TRPM5: variants seen among roughly 807,000 people sequenced by gnomAD.
TRPM5 encodes MLSN1 and TRP-related.
In TRPM5, 121 loss-of-function variants were observed where a neutral mutation model predicts 124.9. The ratio of observed to expected loss-of-function variants is 0.97; its 90% CI spans 0.84 to 1.13. The LOEUF (loss-of-function observed/expected upper bound fraction) is 1.13. Ranked by LOEUF, TRPM5 falls within the 50% of genes most tolerant of loss-of-function variation. The probability of loss-of-function intolerance (pLI) is 0.00; values close to 1 mark genes in which losing one functional copy is unlikely to be tolerated. For missense variants in TRPM5, 1,643 were observed against 1,589.1 expected (o/e 1.03, Z -0.58); for synonymous variants, 781 against 700.5 (o/e 1.11, Z -1.81).
chr11:2,431,524 A>G, the TRPM5 span, among the ~76,000 whole-genome samples: 104 of 152,160 alleles, frequency 6.8e-4, no homozygotes, highest in African/African-American at 2.3e-3. Flanking sequence ...TGGACACCCA[A>G]AAGACTACAG....
the TRPM5 span, among the ~76,000 whole-genome samples, chr11:2,438,125 A>AGGCTTTT: frequency 6.6e-6 from 1 of 152,200 alleles, no homozygotes; most frequent in South Asian, 2.1e-4. The surrounding 1 kb of genome is among the most constrained non-coding windows in gnomAD (Gnocchi z 5.9). Flanking sequence ...TCTTTGAAAA[A>AGGCTTTT]ATCCAAACAT....
chr11:2,443,725 G>C, the TRPM5 span, among the ~76,000 whole-genome samples: 1 of 152,130 alleles, frequency 6.6e-6, no homozygotes, highest in Admixed American at 6.5e-5. The surrounding 1 kb of genome is among the most constrained non-coding windows in gnomAD (Gnocchi z 5.0). Context: ...GTCTCCTGGC[G>C]GGGCGGAGAG....
intron 18 of TRPM5, among the ~76,000 whole-genome samples, chr11:2,411,060 C>A (rs1196985423): frequency 6.6e-6 from 1 of 152,150 alleles, no homozygotes; most frequent in Non-Finnish European, 1.5e-5. Context: ...CCTCCCCAAG[C>A]AGGAGGCAGC....
At chr11:2,423,131 C>T (rs1845796321), upstream of TRPM5, 3 of 1,008,326 alleles carry the variant, frequency 3.0e-6, no homozygotes, top group African/African-American at 3.2e-5. Flanking sequence ...TCTGCTTTCC[C>T]CTGGGAAGCC....
chr11:2,405,723 G>A (rs890437593), intron 22 of TRPM5, 130 bp from the exon 28 acceptor site: 29 of 1,047,456 alleles, frequency 2.8e-5, no homozygotes, highest in East Asian at 2.3e-4. Context: ...GAGAGCTGCC[G>A]CTCACAGGCA....
exon 9 of TRPM5, chr11:2,415,322 G>T: frequency 1.3e-6 from 2 of 1,584,964 alleles, no homozygotes; most frequent in Non-Finnish European, 1.7e-6. Context: ...CGAAGAGCAG[G>T]CTCTTGCGTG....
rs781438299 is a variant in TRPM5, at chr11:2,414,102, C to T, written c.1849G>A (p.Glu617Lys). 17 of 1,595,608 alleles carry T rather than the reference C, an allele frequency of 1.1e-5. No homozygotes were observed. Among genetic ancestry groups the T allele is most frequent in the Middle Eastern group, 1.8e-4 (1 of 5,692 alleles). The change falls in exon 12 of 24, where the codon GAG becomes AAG. Residue 617 changes from glutamate (E) to lysine (K), a missense_variant. Glu to Lys is a moderately conservative substitution (Grantham distance 56). Coordinates refer to ENST00000155858, the Ensembl canonical transcript of TRPM5. ...GCAAAGAAGGCCTTGGCGTCAGCCT[C>T]GGTGGCCAGGTGCAGGCAGGTGGTC...
upstream of TRPM5, among the ~76,000 whole-genome samples, chr11:2,427,191 G>A (rs11022770): frequency 2.6e-5 from 4 of 152,342 alleles, no homozygotes; most frequent in East Asian, 7.7e-4. Context: ...AAGAGGCAGG[G>A]GTGTGGCCAA....
chr11:2,420,841 C>A (rs1306272742), intron 3 of TRPM5, among the ~76,000 whole-genome samples, 191 bp downstream of exon 8: 1 of 152,194 alleles, frequency 6.6e-6, no homozygotes, highest in Non-Finnish European at 1.5e-5. Flanking sequence ...GGTGAGGGCC[C>A]GCGCCACAGT....
At chr11:2,426,246 C>T (rs1845839177), upstream of TRPM5, among the ~76,000 whole-genome samples, 1 of 152,162 alleles carries the variant, frequency 6.6e-6, no homozygotes, top group African/African-American at 2.4e-5. Context: ...GGGGCAGCCT[C>T]ACCTTCCTGG....
In TRPM5 at chr11:2,406,658, C is replaced by G; in HGVS notation, c.3251+3G>C. 1 of 1,606,256 alleles carries G rather than the reference C, an allele frequency of 6.2e-7. No individual in the cohort carries two copies. The highest frequency in any genetic ancestry group is 8.5e-7 in the Non-Finnish European group (1 of 1,176,146). On this transcript the variant is annotated splice_donor_region_variant and intron_variant, in intron 21 of 23. Transcript: ENST00000155858. Reference sequence around the variant, plus strand: ...CACCAGTGATCAGGACAGGCCCCCGCACCTGTGGGCGGTTTTCCGCAGCAC... The same window carrying G: ...CACCAGTGATCAGGACAGGCCCCCGGACCTGTGGGCGGTTTTCCGCAGCAC...
In TRPM5 at chr11:2,412,133, A is replaced by G. The variant is rs552241052; in HGVS notation, c.2474+2T>C. On this transcript the variant is annotated splice_donor_variant, in intron 16 of 23. Coordinates refer to ENST00000155858, the Ensembl canonical transcript of TRPM5. LOFTEE classifies it high-confidence loss of function. The stretch of plus-strand genomic sequence containing the variant: ...GCCACACGGCCTCTGGGCCCCACAG[A>G]CCTGCAGGTGACACCCACGATGAAC... The G allele has an allele frequency of 6.2e-7, 1 of 1,611,878 alleles. No homozygotes were observed. The highest frequency in any genetic ancestry group is 1.3e-5 in the African/African-American group (1 of 75,020).
intron 5 of TRPM5, 74 bp downstream of exon 10, chr11:2,418,450 GTCC>G: frequency 1.3e-6 from 2 of 1,550,520 alleles, no homozygotes; most frequent in South Asian, 1.2e-5. Flanking sequence ...CTTCAGCCCT[GTCC>G]CAGGGGTGCC....
Position 2,410,809 on chromosome 11 carries a change from C to G in TRPM5, c.2782+543G>C, listed in dbSNP as rs533785778. The G allele has an allele frequency of 7.9e-4, 309 of 390,304 alleles. 1 individual carries two copies. The highest frequency in any genetic ancestry group is 5.6e-3 in the South Asian group (295 of 52,746). The allele number at this position is 390,304 out of a possible 1,614,324, so 24.2% of individuals were successfully genotyped here. On this transcript the variant is annotated intron_variant, in intron 18 of 23. Coordinates refer to ENST00000155858, the Ensembl canonical transcript of TRPM5. ...TGGGTCCCCAGGAGCAGCCAGGGTGCCTTTAGGAGCGGCCAAATGGCGAAG... is the reference window on the plus strand; with the variant it reads ...TGGGTCCCCAGGAGCAGCCAGGGTGGCTTTAGGAGCGGCCAAATGGCGAAG...
exon 22 of TRPM5, chr11:2,406,086 T>G: frequency 6.2e-7 from 1 of 1,611,744 alleles, no homozygotes; most frequent in Non-Finnish European, 8.5e-7. Context: ...GGCAATGAAG[T>G]CCACTCTGCG....
chr11:2,406,338 A>G (rs922256392), intron 21 of TRPM5, among the ~76,000 whole-genome samples: 2 of 152,130 alleles, frequency 1.3e-5, no homozygotes, highest in African/African-American at 4.8e-5. Context: ...CCACCCAGAA[A>G]GACGGTGCAG....
At chr11:2,414,860 G>T in intron 10 of TRPM5, 22 bp from the exon 16 acceptor site, 1 of 1,589,850 alleles carries the variant, frequency 6.3e-7, no homozygotes, top group African/African-American at 1.3e-5. Context: ...GGTCTCAGGA[G>T]GCCGCCCCTC....
At chr11:2,414,007 T>TCGGGGG in intron 12 of TRPM5, 54 bp downstream of exon 17, 1 of 1,072,594 alleles carries the variant, frequency 9.3e-7, no homozygotes, top group Non-Finnish European at 1.4e-6. Flanking sequence ...TGGGCCCAGC[T>TCGGGGG]CGCCCGCCCA....
intron 11 of TRPM5, among the ~76,000 whole-genome samples, 189 bp from the exon 17 acceptor site, chr11:2,414,395 G>C (rs1050816303): frequency 2.0e-5 from 3 of 152,186 alleles, no homozygotes; most frequent in Non-Finnish European, 2.9e-5. Flanking sequence ...GTCCTTCTCC[G>C]GCTCTGTCCC....
Sources: allele counts gnomAD v4.1 joint callset (sites outside exome capture counted in the v4.1 genomes callset), GRCh38; gene constraint gnomAD v4.1.1; non-coding constraint Gnocchi (gnomAD v3.1); transcripts MANE v1.5; gene names NCBI Gene and HGNC (gene_info 2026-07-23, HGNC 2026-07-21).